The following DRC5 variants were observed in gnomAD, a reference collection of about 807,000 sequenced individuals.
DRC5 encodes dynein regulatory complex subunit 5, also known as T-complex-associated testis-expressed protein 1.
At chr6:44,286,579 C>A in the DRC5 span, 2 of 1,514,824 alleles carry the variant, frequency 1.3e-6, no homozygotes, top group Non-Finnish European at 1.8e-6. Context: ...TGTTGGGGGA[C>A]ACCTCAACAT....
chr6:44,296,787 G>A, the DRC5 span, among the ~76,000 whole-genome samples: 2 of 152,156 alleles, frequency 1.3e-5, no homozygotes, highest in South Asian at 2.1e-4. Flanking sequence ...CCCCTCAGGA[G>A]AGCCCTCCTC....
At chr6:44,295,665 T>C in the DRC5 span, among the ~76,000 whole-genome samples, 2 of 152,186 alleles carry the variant, frequency 1.3e-5, no homozygotes, top group Admixed American at 6.5e-5. Context: ...TGGCTATATA[T>C]AGCTATGATT....
the DRC5 span, among the ~76,000 whole-genome samples, chr6:44,280,767 G>A: frequency 1.4e-4 from 21 of 152,292 alleles, no homozygotes; most frequent in East Asian, 1.5e-3. Flanking sequence ...GTGTTCTCCC[G>A]GTTTCTGCCT....
At chr6:44,282,799 CTTTTTTTT>C in the DRC5 span, among the ~76,000 whole-genome samples, 10 of 105,236 alleles carry the variant, frequency 9.5e-5, no homozygotes, top group Non-Finnish European at 1.7e-4. Context: ...CCTTTTTTAT[CTTTTTTTT>C]TTTTTTTTTT....
the DRC5 span, chr6:44,282,571 C>T: frequency 1.9e-6 from 3 of 1,572,720 alleles, no homozygotes; most frequent in Non-Finnish European, 2.6e-6. Flanking sequence ...TGTGGGCAGG[C>T]AGAGGGTCTA....
chr6:44,293,127 C>T, the DRC5 span, among the ~76,000 whole-genome samples: 6 of 152,054 alleles, frequency 3.9e-5, no homozygotes, highest in Non-Finnish European at 7.4e-5. Context: ...TGGCCAAAGG[C>T]CCCCAGGTTA....
chr6:44,285,006 CTTCACCCAGCAAGGCTGACCACCTCACA>C, the DRC5 span, among the ~76,000 whole-genome samples: 1 of 152,346 alleles, frequency 6.6e-6, no homozygotes, highest in East Asian at 1.9e-4. Flanking sequence ...ACAAAGCCTC[CTTCACCCAGCAAGGCTGACCACCTCACA>C]CTCTGCGCCA....
At chr6:44,293,306 CAA>C in the DRC5 span, among the ~76,000 whole-genome samples, 6,483 of 88,786 alleles carry the variant, frequency 0.073, 167 homozygotes, top group African/African-American at 0.12. Flanking sequence ...ACTATCCTCT[CAA>C]AAAAAAAAAA....
the DRC5 span, among the ~76,000 whole-genome samples, chr6:44,290,608 T>G: frequency 2.6e-5 from 4 of 152,112 alleles, no homozygotes; most frequent in Non-Finnish European, 5.9e-5. Context: ...AGGAGGAAGG[T>G]CAGAGGCAAC....
chr6:44,295,136 CA>C, the DRC5 span, among the ~76,000 whole-genome samples: 2 of 152,260 alleles, frequency 1.3e-5, no homozygotes, highest in Non-Finnish European at 2.9e-5. Flanking sequence ...CAGAGAATGC[CA>C]GAGTTTGAAG....
At chr6:44,286,185 C>T in the DRC5 span, 1 of 1,611,814 alleles carries the variant, frequency 6.2e-7, no homozygotes, top group East Asian at 2.2e-5. Context: ...GACTGGTCGC[C>T]CGGCCGGAGC....
At chr6:44,293,269 A>ACAAGGTCCTTT in the DRC5 span, among the ~76,000 whole-genome samples, 3 of 147,828 alleles carry the variant, frequency 2.0e-5, no homozygotes, top group African/African-American at 7.6e-5. Flanking sequence ...CTTAACAGTT[A>ACAAGGTCCTTT]CAAGGTCCTT....
At chr6:44,288,936 G>C in the DRC5 span, among the ~76,000 whole-genome samples, 2 of 126,192 alleles carry the variant, frequency 1.6e-5, no homozygotes, top group Non-Finnish European at 3.2e-5. Flanking sequence ...AGAGGTTGCA[G>C]TGAGCCAAGA....
chr6:44,294,988 G>A, the DRC5 span, among the ~76,000 whole-genome samples: 5 of 152,154 alleles, frequency 3.3e-5, no homozygotes, highest in Non-Finnish European at 7.4e-5. Context: ...AGCCTGCAGG[G>A]ATGGGTGGAT....
the DRC5 span, chr6:44,282,344 C>G: frequency 6.2e-7 from 1 of 1,614,200 alleles, no homozygotes; most frequent in Admixed American, 1.7e-5. Context: ...GAGCGTGAGC[C>G]AGGGACTGGG....
At chr6:44,293,269 ACAAGGTCCTTT>A in the DRC5 span, among the ~76,000 whole-genome samples, 7 of 147,908 alleles carry the variant, frequency 4.7e-5, no homozygotes, top group South Asian at 2.2e-4. Context: ...CTTAACAGTT[ACAAGGTCCTTT>A]CAAGGTCCTT....
the DRC5 span, among the ~76,000 whole-genome samples, chr6:44,295,442 C>T: frequency 6.6e-6 from 1 of 152,218 alleles, no homozygotes; most frequent in Non-Finnish European, 1.5e-5. Context: ...GGCCCCTACT[C>T]TGCATCCTCA....
At chr6:44,281,572 A>G in the DRC5 span, among the ~76,000 whole-genome samples, 1 of 152,180 alleles carries the variant, frequency 6.6e-6, no homozygotes, top group African/African-American at 2.4e-5. Flanking sequence ...TTTAGTAGAT[A>G]TGGGGTTTCA....
chr6:44,285,966 T>C, the DRC5 span: 1 of 1,612,254 alleles, frequency 6.2e-7, no homozygotes, highest in East Asian at 2.2e-5. Context: ...GACAGTACCT[T>C]GAGGGTGTGG....
Sources: gnomAD v4.1 joint callset for allele counts (sites outside exome capture counted in the v4.1 genomes callset) on GRCh38, gnomAD v4.1.1 for gene constraint, MANE v1.5 for transcripts, NCBI Gene and HGNC (gene_info 2026-07-23, HGNC 2026-07-21) for gene names.